The following EPHA5 variants were observed in gnomAD, a reference collection of about 807,000 sequenced individuals.
EPHA5 encodes EPH receptor A5.
Under a neutral mutation model 105.0 loss-of-function variants are expected in EPHA5, and 60 were observed. That is an observed-to-expected ratio of 0.57 (90% CI 0.46 to 0.71). EPHA5 has a LOEUF of 0.71. Among genes scored for constraint, EPHA5 ranks in the 30% least tolerant of loss-of-function variants. EPHA5 has a pLI of 0.00. For synonymous variants in EPHA5, 513 were observed against 449.1 expected (o/e 1.14, Z -1.80); for missense variants, 1,218 against 1,274.7 (o/e 0.96, Z 0.68).
chr4:65,614,006 A>C (rs575782079), intron 2 of EPHA5, among the ~76,000 whole-genome samples: 1 of 152,104 alleles, frequency 6.6e-6, no homozygotes, highest in Non-Finnish European at 1.5e-5. Context: ...CTATAAAAAC[A>C]GATGTTTCTA....
intron 5 of EPHA5, among the ~76,000 whole-genome samples, chr4:65,485,669 C>T (rs976739537): frequency 4.6e-5 from 7 of 152,138 alleles, no homozygotes; most frequent in African/African-American, 1.7e-4. Context: ...CTTGAACACA[C>T]CTATTTTTCC....
At chr4:65,550,555 G>A (rs1737797550) in intron 3 of EPHA5, among the ~76,000 whole-genome samples, 1 of 152,114 alleles carries the variant, frequency 6.6e-6, no homozygotes, top group Non-Finnish European at 1.5e-5. Context: ...AACAACTACA[G>A]CCGGGTGCGG....
intron 5 of EPHA5, among the ~76,000 whole-genome samples, chr4:65,479,227 C>G (rs376308222): frequency 3.3e-5 from 5 of 152,054 alleles, no homozygotes; most frequent in Admixed American, 1.3e-4. Context: ...CATTGTATGT[C>G]ACAGATACCA....
intron 3 of EPHA5, among the ~76,000 whole-genome samples, chr4:65,499,536 A>T (rs911738370): frequency 6.6e-6 from 1 of 151,614 alleles, no homozygotes; most frequent in Admixed American, 6.6e-5. Context: ...CCTCTCAATG[A>T]AAACTATTTT....
At chr4:65,551,387 T>C (rs1237420773) in intron 3 of EPHA5, among the ~76,000 whole-genome samples, 1 of 151,828 alleles carries the variant, frequency 6.6e-6, no homozygotes, top group East Asian at 1.9e-4. Context: ...AAGGGAATAG[T>C]GTAAAACAGA....
chr4:65,364,658 A>C (rs1717680384), intron 11 of EPHA5, among the ~76,000 whole-genome samples: 1 of 151,588 alleles, frequency 6.6e-6, no homozygotes, highest in South Asian at 2.1e-4. Flanking sequence ...ATCCTATTGA[A>C]TGTTAAACTT....
In EPHA5 at chr4:65,332,033, G is replaced by A. The variant is rs1220467150; in HGVS notation, c.2885C>T (p.Thr962Ile). The change falls in exon 16 of 17, where the codon ACA becomes ATA. Residue 962 changes from threonine (T) to isoleucine (I), a missense_variant. By Grantham distance (89) the Thr-to-Ile change is moderately conservative. This residue lies in a region of EPHA5 where 971 missense variants were observed against 1,013.5 expected (regional missense o/e 0.96). Transcript: ENST00000613740. ...GTATCCATTTTCCATGAAAATCTCT[G>A]TATACCGGCCCATCTTGATTGCCTC... ...WLEAIKMGRY[T>I]EIFMENGYSS... 1.9e-6 allele frequency: 3 copies of A among 1,611,698 alleles called. No homozygotes were observed. Among genetic ancestry groups the A allele is most frequent in the Non-Finnish European group, 2.5e-6 (3 of 1,178,652 alleles).
Position 65,467,892 on chromosome 4 carries a change from T to A in EPHA5, c.1402+22485A>T, listed in dbSNP as rs148211851. On this transcript the variant is annotated intron_variant, in intron 5 of 16. Transcript: ENST00000613740. Reference sequence around the variant, plus strand: ...GTCAGGGCGAAGCAATGTAAACATTTGAGCCATCATTGCTAGCTTTGAAGG... The same window carrying A: ...GTCAGGGCGAAGCAATGTAAACATTAGAGCCATCATTGCTAGCTTTGAAGG... Among the ~76,000 whole-genome samples, 242 of 152,250 alleles carry A rather than the reference T, an allele frequency of 1.6e-3. 3 individuals are homozygous for A. The highest frequency in any genetic ancestry group is 0.015 in the Admixed American group (223 of 15,276).
intron 3 of EPHA5, among the ~76,000 whole-genome samples, chr4:65,583,578 A>G (rs1741847672): frequency 1.3e-5 from 2 of 151,918 alleles, no homozygotes; most frequent in African/African-American, 4.8e-5. Context: ...ACCCCACAGA[A>G]TAAAAGACTG....
intron 3 of EPHA5, among the ~76,000 whole-genome samples, chr4:65,495,871 C>A (rs1731881775): frequency 6.6e-6 from 1 of 152,076 alleles, no homozygotes; most frequent in Admixed American, 6.6e-5. Context: ...GTATAGTTTT[C>A]ACTTACTCTA....
At chr4:65,488,888 T>TTTTC (rs1395770654) in intron 5 of EPHA5, among the ~76,000 whole-genome samples, 1 of 143,756 alleles carries the variant, frequency 7.0e-6, no homozygotes, top group Non-Finnish European at 1.5e-5. Context: ...TGCATGCATT[T>TTTTC]TTTTTTTTTT....
chr4:65,538,697 G>A (rs1040455655), intron 3 of EPHA5, among the ~76,000 whole-genome samples: 1 of 151,646 alleles, frequency 6.6e-6, no homozygotes, highest in Non-Finnish European at 1.5e-5. Flanking sequence ...TAGGCACATA[G>A]CGATCCAAGC....
chr4:65,485,706 G>T (rs921355916), intron 5 of EPHA5, among the ~76,000 whole-genome samples: 4 of 152,054 alleles, frequency 2.6e-5, no homozygotes, highest in Admixed American at 6.6e-5. Flanking sequence ...ATCCAATTTT[G>T]AATCTGGACA....
chr4:65,531,985 A>G (rs1451632268), intron 3 of EPHA5, among the ~76,000 whole-genome samples: 1 of 152,196 alleles, frequency 6.6e-6, no homozygotes, highest in East Asian at 1.9e-4. Flanking sequence ...CTTAAATAAT[A>G]CATAATATAT....
intron 3 of EPHA5, among the ~76,000 whole-genome samples, chr4:65,553,405 C>T (rs1156763400): frequency 1.3e-5 from 2 of 152,044 alleles, no homozygotes; most frequent in South Asian, 4.1e-4. Flanking sequence ...ATGTTTTCTC[C>T]ACCTAACATT....
chr4:65,629,678 T>A (rs1251965233), intron 2 of EPHA5, among the ~76,000 whole-genome samples: 1 of 152,196 alleles, frequency 6.6e-6, no homozygotes, highest in Non-Finnish European at 1.5e-5. Flanking sequence ...CTAATTGAGA[T>A]GTGTCCCAGA....
At chr4:65,528,906 G>C (rs1246141654) in intron 3 of EPHA5, among the ~76,000 whole-genome samples, 2 of 152,040 alleles carry the variant, frequency 1.3e-5, no homozygotes, top group Non-Finnish European at 1.5e-5. Context: ...CAAATTATAG[G>C]ATAGTCCAGG....
chr4:65,465,341 G>A (rs576437203), intron 5 of EPHA5, among the ~76,000 whole-genome samples: 2 of 151,766 alleles, frequency 1.3e-5, no homozygotes, highest in South Asian at 2.1e-4. Flanking sequence ...TAGGAGAATC[G>A]CTTGAACCCA....
chr4:65,596,345 G>A (rs567069444), intron 3 of EPHA5, among the ~76,000 whole-genome samples: 1 of 151,962 alleles, frequency 6.6e-6, no homozygotes, highest in East Asian at 1.9e-4. Flanking sequence ...CTAGAGGGTA[G>A]AACCCAAGAA....
Sources: allele counts gnomAD v4.1 joint callset (sites outside exome capture counted in the v4.1 genomes callset), GRCh38; gene constraint gnomAD v4.1.1; regional missense constraint gnomAD v4.1.1; transcripts MANE v1.5; gene names NCBI Gene and HGNC (gene_info 2026-07-23, HGNC 2026-07-21).